Variants in PIEZO2 observed in about 807,000 individuals in gnomAD.
PIEZO2 encodes piezo type mechanosensitive ion channel component 2.
Under a neutral mutation model 337.3 loss-of-function variants are expected in PIEZO2, and 172 were observed. The ratio of observed to expected loss-of-function variants is 0.51; its 90% CI spans 0.45 to 0.58. The LOEUF (loss-of-function observed/expected upper bound fraction) is 0.58. PIEZO2 is among the 20% of genes least tolerant of loss of function. The pLI is 0.00. For missense variants in PIEZO2, 3,028 were observed against 3,391.3 expected (o/e 0.89, Z 2.66); for synonymous variants, 1,251 against 1,228.5 (o/e 1.02, Z -0.38).
At chr18:10,968,766 T>G (rs565359073) in intron 3 of PIEZO2, among the ~76,000 whole-genome samples, 2 of 152,312 alleles carry the variant, frequency 1.3e-5, no homozygotes, top group South Asian at 2.1e-4. Context: ...ACTTTTACAT[T>G]AACGTTTGAT....
At chr18:10,996,883 C>T (rs2035342125) in intron 2 of PIEZO2, among the ~76,000 whole-genome samples, 1 of 152,076 alleles carries the variant, frequency 6.6e-6, no homozygotes, top group South Asian at 2.1e-4. Flanking sequence ...TCTAACTCTC[C>T]CATCCCAAAT....
intron 3 of PIEZO2, among the ~76,000 whole-genome samples, chr18:10,951,578 C>T (rs2033297473): frequency 6.6e-6 from 1 of 152,230 alleles, no homozygotes; most frequent in Admixed American, 6.5e-5. Context: ...CTCCCTTCCA[C>T]CTATAGGTTA....
At chr18:10,687,780 C>T (rs149366059) in intron 49 of PIEZO2, among the ~76,000 whole-genome samples, 106 of 152,134 alleles carry the variant, frequency 7.0e-4, no homozygotes, top group African/African-American at 2.5e-3. Context: ...TAAGGATGAG[C>T]GAATACATGG....
intron 36 of PIEZO2, chr18:10,725,565 CT>C: frequency 1.5e-6 from 2 of 1,367,686 alleles, no homozygotes; most frequent in Non-Finnish European, 2.0e-6. Context: ...TGTTTCTCCC[CT>C]GTCCCTCCTG....
intron 2 of PIEZO2, among the ~76,000 whole-genome samples, chr18:11,055,210 CAAAAAA>C (rs11390110): frequency 3.9e-4 from 31 of 79,826 alleles, no homozygotes; most frequent in African/African-American, 9.8e-4. Context: ...GACTCTGTCT[CAAAAAA>C]AAAAAAAAAA....
At chr18:10,995,400 A>G (rs2035284763) in intron 2 of PIEZO2, among the ~76,000 whole-genome samples, 1 of 150,102 alleles carries the variant, frequency 6.7e-6, no homozygotes, top group African/African-American at 2.5e-5. Context: ...GATTGTGAAG[A>G]TTTTCTCCTA....
intron 2 of PIEZO2, among the ~76,000 whole-genome samples, chr18:11,058,024 G>T (rs1461864007): frequency 6.6e-6 from 1 of 152,162 alleles, no homozygotes; most frequent in Non-Finnish European, 1.5e-5. Flanking sequence ...GATAGCCCTG[G>T]TCTACAGAAC....
intron 2 of PIEZO2, among the ~76,000 whole-genome samples, chr18:11,004,380 T>C (rs371688067): frequency 6.1e-4 from 93 of 152,318 alleles, no homozygotes; most frequent in African/African-American, 2.2e-3. Context: ...ACTGAATTGC[T>C]GCCCCCACAG....
chr18:10,979,102 C>T lies in PIEZO2; in HGVS notation c.286+433G>A, dbSNP rs145307789. ...CCCATAAAAACATGAGAAATTTTAA[C>T]ATTGTTCTTTGTAATAGGATTAATG... On this transcript the variant is annotated intron_variant, in intron 3 of 55. Transcript: ENST00000674853. This position sits in a 1 kb window ranked among gnomAD's most constrained non-coding sequence, Gnocchi z 4.0. Among the ~76,000 whole-genome samples, 749 of 151,974 alleles carry T rather than the reference C, an allele frequency of 4.9e-3. 6 individuals carry two copies. The highest frequency in any genetic ancestry group is 0.015 in the African/African-American group (643 of 41,498).
chr18:10,750,129 G>C lies in PIEZO2; in HGVS notation c.4226C>G (p.Ala1409Gly). ...TTTGACTGTGCAGGCCAGGCTGAAAGCCTGGATCAACCAACAACTATTGTG... is the reference window on the plus strand; with the variant it reads ...TTTGACTGTGCAGGCCAGGCTGAAACCCTGGATCAACCAACAACTATTGTG... ...LVHNSCWLIQ[A>G]FSLACTVKGY... Residue 1409 changes from alanine to glycine, a missense_variant, in exon 29 of 56, where the codon GCT becomes GGT. Physicochemically the swap from Ala to Gly is moderately conservative, Grantham distance 60. Around this residue, in one of 5 missense-constraint regions of PIEZO2, gnomAD observed 1,925 missense variants for 2,051.9 expected, o/e 0.94. Transcript: ENST00000674853. This position sits in a 1 kb window ranked among gnomAD's most constrained non-coding sequence, Gnocchi z 4.1. 6.5e-7 allele frequency: 1 copy of C among 1,537,150 alleles called. No individual in the cohort carries two copies. Among genetic ancestry groups the C allele is most frequent in the Non-Finnish European group, 8.7e-7 (1 of 1,146,856 alleles).
chr18:10,789,743 A>T (rs1420499999), intron 14 of PIEZO2, among the ~76,000 whole-genome samples: 1 of 152,230 alleles, frequency 6.6e-6, no homozygotes, highest in African/African-American at 2.4e-5. Context: ...AGACAATCCA[A>T]ATAGTACTTT....
At chr18:10,950,945 C>A (rs1165884074) in intron 3 of PIEZO2, among the ~76,000 whole-genome samples, 4 of 152,194 alleles carry the variant, frequency 2.6e-5, no homozygotes, top group African/African-American at 9.7e-5. Flanking sequence ...TTTCACCCAA[C>A]AGTCTGTGAA....
chr18:11,014,743 G>T (rs1279877409), intron 2 of PIEZO2, among the ~76,000 whole-genome samples: 1 of 135,464 alleles, frequency 7.4e-6, no homozygotes, highest in Non-Finnish European at 1.6e-5. Context: ...ACTTCACCCT[G>T]TGTGGGACAG....
At chr18:10,769,867 C>CTAT in intron 21 of PIEZO2, 1 of 285,712 alleles carries the variant, frequency 3.5e-6, no homozygotes, top group African/African-American at 2.2e-5. Flanking sequence ...TAGGCAGGGG[C>CTAT]AGAAGGGCAG....
intron 4 of PIEZO2, among the ~76,000 whole-genome samples, chr18:10,898,247 C>T (rs1199726669): frequency 1.3e-5 from 2 of 152,010 alleles, no homozygotes; most frequent in African/African-American, 4.8e-5. Context: ...TGATGAAACC[C>T]CGTCTCTACT....
intron 2 of PIEZO2, among the ~76,000 whole-genome samples, chr18:11,025,147 C>CGT (rs2036492364): frequency 6.6e-6 from 1 of 152,070 alleles, no homozygotes; most frequent in African/African-American, 2.4e-5. Flanking sequence ...CCCTTTACTT[C>CGT]AGAGTGATGA....
intron 3 of PIEZO2, among the ~76,000 whole-genome samples, chr18:10,916,367 G>C (rs191798274): frequency 1.3e-5 from 2 of 152,170 alleles, no homozygotes; most frequent in Non-Finnish European, 2.9e-5. Context: ...GCTCGGGCCT[G>C]TGCTGCAGCC....
At position 10,888,471 on chromosome 18, in the gene PIEZO2, G is replaced by A. The variant is rs554637294; in HGVS notation, c.330-17056C>T. Among the ~76,000 whole-genome samples, 14 of 152,186 alleles carry A rather than the reference G, an allele frequency of 9.2e-5. No homozygotes were observed. In the South Asian group the frequency reaches 1.5e-3, roughly 16 times the overall value. Reference sequence around the variant, plus strand: ...GCCCTATTTTCTTTTTGTGCACCCTGGTATTCAGAGCTGGGCACTTGGAGT... The same window carrying A: ...GCCCTATTTTCTTTTTGTGCACCCTAGTATTCAGAGCTGGGCACTTGGAGT... On this transcript the variant is annotated intron_variant, in intron 4 of 55. Transcript: ENST00000674853. This position sits in a 1 kb window ranked among gnomAD's most constrained non-coding sequence, Gnocchi z 4.1.
At chr18:11,140,459 C>T (rs930989813) in intron 1 of PIEZO2, among the ~76,000 whole-genome samples, 2 of 152,218 alleles carry the variant, frequency 1.3e-5, no homozygotes, top group African/African-American at 4.8e-5. Flanking sequence ...TTATTCCACA[C>T]CCTAATACCC....
Sources: allele counts gnomAD v4.1 joint callset (sites outside exome capture counted in the v4.1 genomes callset), GRCh38; gene constraint gnomAD v4.1.1; regional missense constraint gnomAD v4.1.1; non-coding constraint Gnocchi (gnomAD v3.1); transcripts MANE v1.5; gene names NCBI Gene and HGNC (gene_info 2026-07-23, HGNC 2026-07-21).